QTMAN: variants seen among roughly 807,000 people sequenced by gnomAD.
The protein encoded by QTMAN is tRNA-queuosine alpha-mannosyltransferase.
chr2:143,953,133 T>C, the QTMAN span, among the ~76,000 whole-genome samples: 3 of 151,826 alleles, frequency 2.0e-5, no homozygotes, highest in African/African-American at 7.2e-5. Context: ...ACACATTTTA[T>C]AATCAGCAGA....
chr2:144,191,671 G>T, the QTMAN span, among the ~76,000 whole-genome samples: 1 of 152,100 alleles, frequency 6.6e-6, no homozygotes, highest in African/African-American at 2.4e-5. Context: ...GAAAGACAAA[G>T]TCTCTGCCCT....
chr2:144,322,019 A>G, the QTMAN span, among the ~76,000 whole-genome samples: 3 of 152,222 alleles, frequency 2.0e-5, no homozygotes, highest in African/African-American at 7.2e-5. Flanking sequence ...GCAACCACAT[A>G]GGTAGCATCC....
At chr2:144,247,104 T>A in the QTMAN span, among the ~76,000 whole-genome samples, 2 of 152,020 alleles carry the variant, frequency 1.3e-5, no homozygotes, top group African/African-American at 4.8e-5. Context: ...AGGAAAACAC[T>A]ATGAGATCCA....
the QTMAN span, among the ~76,000 whole-genome samples, chr2:144,239,095 G>A: frequency 1.3e-5 from 2 of 149,002 alleles, no homozygotes; most frequent in African/African-American, 5.0e-5. Context: ...AAGGCTATTC[G>A]AATATTCTAT....
At chr2:144,048,711 C>T in the QTMAN span, among the ~76,000 whole-genome samples, 1 of 152,020 alleles carries the variant, frequency 6.6e-6, no homozygotes, top group African/African-American at 2.4e-5. Context: ...CAAAGGAGTG[C>T]CACGGCCCTG....
the QTMAN span, among the ~76,000 whole-genome samples, chr2:144,176,776 T>C: frequency 6.6e-6 from 1 of 152,188 alleles, no homozygotes. Context: ...ATCACAAAGA[T>C]GACTTGACTA....
chr2:144,281,412 AAAAAAAC>A, the QTMAN span, among the ~76,000 whole-genome samples: 1 of 150,852 alleles, frequency 6.6e-6, no homozygotes, highest in African/African-American at 2.4e-5. Context: ...AAAAAAAAAA[AAAAAAAC>A]GGAAAATAAC....
the QTMAN span, among the ~76,000 whole-genome samples, chr2:144,020,799 A>G: frequency 3.3e-5 from 5 of 152,246 alleles, no homozygotes; most frequent in African/African-American, 4.8e-5. Context: ...AAAAAAACCT[A>G]TAAGAAATAT....
the QTMAN span, among the ~76,000 whole-genome samples, chr2:144,152,666 G>A: frequency 2.6e-5 from 4 of 152,104 alleles, no homozygotes; most frequent in Non-Finnish European, 4.4e-5. Flanking sequence ...AAGGTCCAAG[G>A]TAATATGAAC....
the QTMAN span, among the ~76,000 whole-genome samples, chr2:144,240,413 C>T: frequency 2.0e-5 from 3 of 152,070 alleles, no homozygotes; most frequent in Non-Finnish European, 2.9e-5. Context: ...AATTAATCTA[C>T]GACATTTTTA....
chr2:143,952,628 A>G, the QTMAN span: 136 of 681,000 alleles, frequency 2.0e-4, no homozygotes, highest in Non-Finnish European at 5.8e-5. Flanking sequence ...TAATGTATTA[A>G]AACACATAAA....
At chr2:144,110,209 C>T in the QTMAN span, among the ~76,000 whole-genome samples, 1 of 152,074 alleles carries the variant, frequency 6.6e-6, no homozygotes, top group Admixed American at 6.6e-5. Context: ...TACTATGCAG[C>T]CATAAAAAAG....
chr2:144,145,085 A>G, the QTMAN span, among the ~76,000 whole-genome samples: 2 of 150,340 alleles, frequency 1.3e-5, no homozygotes, highest in East Asian at 2.0e-4. Context: ...TTCATTGTCC[A>G]TAGTCTTCTC....
At chr2:143,951,936 C>T in the QTMAN span, 3 of 896,210 alleles carry the variant, frequency 3.3e-6, no homozygotes, top group South Asian at 3.0e-5. Flanking sequence ...TTTCTTTGTA[C>T]TTCAATATGG....
At chr2:143,992,810 T>C in the QTMAN span, among the ~76,000 whole-genome samples, 1 of 152,146 alleles carries the variant, frequency 6.6e-6, no homozygotes, top group Non-Finnish European at 1.5e-5. Flanking sequence ...AGTTTGTATA[T>C]TAAAATCATT....
chr2:144,033,113 T>C, the QTMAN span, among the ~76,000 whole-genome samples: 1 of 152,248 alleles, frequency 6.6e-6, no homozygotes, highest in Non-Finnish European at 1.5e-5. Context: ...CTATACACTT[T>C]CAACACTTCT....
chr2:144,296,447 T>C, the QTMAN span, among the ~76,000 whole-genome samples: 1 of 152,176 alleles, frequency 6.6e-6, no homozygotes, highest in South Asian at 2.1e-4. Context: ...ATCAAAAGTG[T>C]TCATTTAGGA....
the QTMAN span, among the ~76,000 whole-genome samples, chr2:143,993,280 C>T: frequency 2.9e-3 from 435 of 152,058 alleles, no homozygotes; most frequent in Non-Finnish European, 4.4e-3. Context: ...AATGAATGAA[C>T]GAACAAATGA....
chr2:144,246,311 C>T, the QTMAN span, among the ~76,000 whole-genome samples: 1 of 152,054 alleles, frequency 6.6e-6, no homozygotes. Context: ...CGGTGGCTCA[C>T]GCCTGTAATC....
Sources: allele counts gnomAD v4.1 joint callset (sites outside exome capture counted in the v4.1 genomes callset), GRCh38; gene constraint gnomAD v4.1.1; transcripts MANE v1.5; gene names NCBI Gene and HGNC (gene_info 2026-07-23, HGNC 2026-07-21).